SPART: variants seen among roughly 807,000 people sequenced by gnomAD.
SPART encodes spartin, also known as spastic paraplegia 20 (Troyer syndrome).
In SPART, 35 loss-of-function variants were observed where a neutral mutation model predicts 58.7. The observed-to-expected ratio is 0.60, with a 90% CI of 0.46 to 0.79. The LOEUF is 0.79. Among genes scored for constraint, SPART ranks in the 30% least tolerant of loss-of-function variants. The probability of loss-of-function intolerance (pLI) is 0.00; values close to 1 mark genes in which losing one functional copy is unlikely to be tolerated. For synonymous variants in SPART, 284 were observed against 280.7 expected (o/e 1.01, Z -0.12); for missense variants, 730 against 786.1 (o/e 0.93, Z 0.85).
chr13:36,350,632 T>C (rs530188609), upstream of SPART, among the ~76,000 whole-genome samples: 1 of 152,330 alleles, frequency 6.6e-6, no homozygotes, highest in South Asian at 2.1e-4. Context: ...CTGTCTTTTT[T>C]TCTTACCAGA....
chr13:36,353,295 G>A (rs1015512189), intron 1 of SPART, among the ~76,000 whole-genome samples: 1 of 152,176 alleles, frequency 6.6e-6, no homozygotes, highest in Admixed American at 6.5e-5. Context: ...GAAAGGAAAG[G>A]CTCAGAGCCA....
chr13:36,304,908 T>C (rs777373062), intron 8 of SPART, among the ~76,000 whole-genome samples: 1 of 152,152 alleles, frequency 6.6e-6, no homozygotes, highest in Non-Finnish European at 1.5e-5. Context: ...AAAATAAAAG[T>C]GTAAATTATA....
At chr13:36,366,107 G>C (rs1886044332) in intron 1 of SPART, among the ~76,000 whole-genome samples, 1 of 152,154 alleles carries the variant, frequency 6.6e-6, no homozygotes, top group Admixed American at 6.5e-5. Context: ...TGACTCCATA[G>C]TGCCTGGAAA....
At chr13:36,347,147 G>GAAA (rs35356839), upstream of SPART, among the ~76,000 whole-genome samples, 35,123 of 149,000 alleles carry the variant, frequency 0.24, 4,716 homozygotes, top group East Asian at 0.5. Context: ...CTGCCTTAGG[G>GAAA]AAAAAAAAAC....
At chr13:36,325,380 T>C (rs1882828781) in intron 5 of SPART, among the ~76,000 whole-genome samples, 2 of 152,332 alleles carry the variant, frequency 1.3e-5, no homozygotes, top group African/African-American at 2.4e-5. Context: ...GCATAGTTCT[T>C]TGGCACTAGG....
chr13:36,320,104 T>C (rs187389367), intron 5 of SPART, among the ~76,000 whole-genome samples: 2,022 of 152,310 alleles, frequency 0.013, 47 homozygotes, highest in African/African-American at 0.046. Context: ...CGGCTGCTGC[T>C]GCTTTAATAC....
Position 36,331,467 on chromosome 13 carries a change from C to CA in SPART, c.939dup (p.Glu314Ter). On this transcript the variant is annotated frameshift_variant, in exon 3 of 9. Coordinates refer to ENST00000438666, the MANE Select transcript of SPART (RefSeq NM_015087.5). LOFTEE classifies it high-confidence loss of function. ...AGCTCTCTATCATCCTCTGGTAACT[C>CA]AGAGGACAGGACGACCCCCACAAAG... The CA allele has an allele frequency of 6.2e-7, 1 of 1,614,106 alleles. No homozygotes were observed. The highest frequency in any genetic ancestry group is 8.5e-7 in the Non-Finnish European group (1 of 1,180,024).
chr13:36,338,738 T>TC (rs1884269413), intron 1 of SPART, among the ~76,000 whole-genome samples: 1 of 152,164 alleles, frequency 6.6e-6, no homozygotes, highest in African/African-American at 2.4e-5. Flanking sequence ...ACAGCCTTCT[T>TC]CCCCACAACT....
intron 5 of SPART, among the ~76,000 whole-genome samples, chr13:36,318,043 C>A (rs1881926560): frequency 6.6e-6 from 1 of 152,154 alleles, no homozygotes; most frequent in South Asian, 2.1e-4. Context: ...TCCCCTCAGT[C>A]CCAACACCAA....
At chr13:36,339,220 AAT>A (rs1277431881) in intron 1 of SPART, among the ~76,000 whole-genome samples, 3 of 152,156 alleles carry the variant, frequency 2.0e-5, no homozygotes, top group Non-Finnish European at 2.9e-5. Flanking sequence ...CGGGAAATTA[AAT>A]ATTTAAAACG....
chr13:36,350,223 G>T (rs1223781597), upstream of SPART, among the ~76,000 whole-genome samples: 1 of 152,138 alleles, frequency 6.6e-6, no homozygotes, highest in African/African-American at 2.4e-5. Flanking sequence ...GGGCTTCCCC[G>T]AATTCCTTAG....
At chr13:36,334,767 G>A (rs970612286) in intron 2 of SPART, among the ~76,000 whole-genome samples, 3 of 151,936 alleles carry the variant, frequency 2.0e-5, no homozygotes, top group Non-Finnish European at 4.4e-5. Flanking sequence ...AAAAATGTAA[G>A]GATGACCACT....
At chr13:36,365,814 C>A (rs1220909227) in intron 1 of SPART, 6 of 267,590 alleles carry the variant, frequency 2.2e-5, no homozygotes, top group Non-Finnish European at 3.9e-5. Flanking sequence ...AGACCTATCA[C>A]CTCACTCTAG....
chr13:36,321,389 T>G (rs969385736), intron 5 of SPART, among the ~76,000 whole-genome samples: 1 of 152,244 alleles, frequency 6.6e-6, no homozygotes, highest in Non-Finnish European at 1.5e-5. Flanking sequence ...AGGCGCTCTC[T>G]AATCAGATAT....
intron 3 of SPART, 137 bp from the exon 4 acceptor site, chr13:36,329,654 G>A: frequency 1.1e-6 from 1 of 904,844 alleles, no homozygotes; most frequent in South Asian, 1.5e-5. Context: ...AACTACTTTT[G>A]CTTTTTTCTC....
chr13:36,320,806 A>G (rs907265463), intron 5 of SPART, among the ~76,000 whole-genome samples: 9 of 152,198 alleles, frequency 5.9e-5, no homozygotes, highest in African/African-American at 2.2e-4. Flanking sequence ...TCTGTCAGAC[A>G]TAATTCCTCA....
chr13:36,357,287 G>A (rs959096612), intron 1 of SPART, among the ~76,000 whole-genome samples: 5 of 152,148 alleles, frequency 3.3e-5, no homozygotes, highest in Admixed American at 1.3e-4. Flanking sequence ...AGCCCCTTGC[G>A]CATTGATGGC....
intron 8 of SPART, among the ~76,000 whole-genome samples, 167 bp downstream of exon 8, chr13:36,311,978 T>A (rs1881161792): frequency 6.6e-6 from 1 of 151,800 alleles, no homozygotes; most frequent in Non-Finnish European, 1.5e-5. Flanking sequence ...TCCCAGCTAC[T>A]CGGGAGGCTG....
chr13:36,347,821 C>T (rs1274376747), upstream of SPART, among the ~76,000 whole-genome samples: 1 of 152,076 alleles, frequency 6.6e-6, no homozygotes, highest in Non-Finnish European at 1.5e-5. Flanking sequence ...AGTTATATAA[C>T]TTTTAAATGT....
Sources: allele counts gnomAD v4.1 joint callset (sites outside exome capture counted in the v4.1 genomes callset), GRCh38; gene constraint gnomAD v4.1.1; transcripts MANE v1.5; gene names NCBI Gene and HGNC (gene_info 2026-07-23, HGNC 2026-07-21).